The following TENT4B variants were observed in gnomAD, a reference collection of about 807,000 sequenced individuals.
TENT4B encodes PAP associated domain containing 5.
TENT4B carries 10 observed loss-of-function variants against 75.0 expected under a neutral mutation model. The observed-to-expected ratio is 0.13, with a 90% CI of 0.08 to 0.23. The LOEUF is 0.23. Ranked by LOEUF, TENT4B falls within the 10% of genes least tolerant of loss-of-function variation. The pLI, the probability that TENT4B is intolerant of heterozygous loss-of-function variation, is 1.00. For missense variants in TENT4B, 579 were observed against 893.8 expected, an observed-to-expected ratio of 0.65 and a Z score of 4.49; for synonymous variants, 350 against 357.7, an observed-to-expected ratio of 0.98 and a Z score of 0.24.
chr16:50,158,350 G>T (rs1412194046), intron 1 of TENT4B, among the ~76,000 whole-genome samples: 1 of 149,452 alleles, frequency 6.7e-6, no homozygotes, highest in Non-Finnish European at 1.5e-5. Flanking sequence ...GCTTCCCAAA[G>T]TGTCAGGATT....
intron 5 of TENT4B, among the ~76,000 whole-genome samples, chr16:50,220,819 G>A (rs979844148): frequency 3.3e-5 from 5 of 152,064 alleles, no homozygotes; most frequent in Non-Finnish European, 5.9e-5. Flanking sequence ...ATGAGCCACC[G>A]TGCCCAGCCC....
chr16:50,195,866 G>C (rs2030199832), intron 1 of TENT4B, among the ~76,000 whole-genome samples: 1 of 152,102 alleles, frequency 6.6e-6, no homozygotes, highest in Non-Finnish European at 1.5e-5. Flanking sequence ...CTGTATTCAG[G>C]AATAAAGATA....
chr16:50,158,534 T>C (rs1255378836), intron 1 of TENT4B, among the ~76,000 whole-genome samples: 2 of 152,188 alleles, frequency 1.3e-5, no homozygotes, highest in Non-Finnish European at 2.9e-5. Context: ...GACTTAATTG[T>C]TTATCACTAT....
At chr16:50,201,218 T>G (rs1238662605) in intron 1 of TENT4B, among the ~76,000 whole-genome samples, 2 of 152,218 alleles carry the variant, frequency 1.3e-5, no homozygotes, top group Non-Finnish European at 2.9e-5. Flanking sequence ...TGAATCAATT[T>G]GGTTTTGTTT....
Position 50,153,987 on chromosome 16 carries a change from C to A in TENT4B, c.366C>A (p.Ala122=). The A allele has an allele frequency of 6.5e-7, 1 of 1,534,128 alleles. No individual in the cohort carries two copies. The highest frequency in any genetic ancestry group is 1.4e-5 in the African/African-American group (1 of 73,018). The change falls in exon 1 of 12, where the codon GCC becomes GCA. Residue 122 remains alanine (A), a synonymous_variant. Transcript: ENST00000561678. Reference sequence around the variant, plus strand: ...ACCACCACCAGCCCGGGGCCTGGGCCCGCCGGGCGGGCTCCTCGGCGTCCT... The same window carrying A: ...ACCACCACCAGCCCGGGGCCTGGGCACGCCGGGCGGGCTCCTCGGCGTCCT... ...NNNHHQPGAW[A]RRAGSSASSP... is the part of the protein sequence containing the mutation.
intron 1 of TENT4B, among the ~76,000 whole-genome samples, chr16:50,178,220 CG>C (rs1210081355): frequency 6.9e-6 from 1 of 145,616 alleles, no homozygotes; most frequent in Non-Finnish European, 1.5e-5. Flanking sequence ...CTTTGGGAGG[CG>C]TAAGTGGGAG....
Position 50,221,079 on chromosome 16 carries a change from G to A in TENT4B, c.1039-1227G>A, listed in dbSNP as rs550030351. ...AGACAGGCAGATCATTTGAGCTTAG[G>A]AGTTCAAGACCAGCCCGGGCAATGT... On this transcript the variant is annotated intron_variant, in intron 5 of 11. Transcript: ENST00000561678. 7.7e-4 allele frequency among the ~76,000 whole-genome samples: 117 copies of A among 152,138 alleles called. 2 individuals are homozygous for A. The South Asian group carries it at 0.024, about 31-fold the overall frequency.
In TENT4B at chr16:50,231,195, A is replaced by G. The variant is rs902690455; in HGVS notation, c.*1867A>G. 11 of 985,022 alleles carry G rather than the reference A, an allele frequency of 1.1e-5. No individual in the cohort carries two copies. Among genetic ancestry groups the G allele is most frequent in the East Asian group, 1.1e-4 (1 of 8,828 alleles). The allele number at this position is 985,022 out of a possible 1,614,324, so 61.0% of individuals were successfully genotyped here. On this transcript the variant is annotated 3_prime_UTR_variant, in exon 12 of 12. Transcript: ENST00000561678. Reference sequence around the variant, plus strand: ...TTTCAAATGTGATGTTATTTTGACAATGTTTTAAATTTTAGAGTCACATTT... The same window carrying G: ...TTTCAAATGTGATGTTATTTTGACAGTGTTTTAAATTTTAGAGTCACATTT...
chr16:50,153,507 AGCG>A lies in TENT4B; in HGVS notation c.-112_-110del, dbSNP rs1278586416. On this transcript the variant is annotated 5_prime_UTR_variant, in exon 1 of 12. Transcript: ENST00000561678. ...GGCCCCGAGCAGCAGCAGCAGCAGC[AGCG>A]GCAGCAGCGGCAGCAGCAGCAGCAG... 0.018 allele frequency: 5,195 copies of A among 289,308 alleles called. 133 individuals are homozygous for A. Among genetic ancestry groups the A allele is most frequent in the African/African-American group, 0.076 (3,424 of 44,840 alleles). 17.9% of individuals were successfully genotyped at this position (289,308 alleles called of 1,614,324 possible). A position where few individuals can be genotyped will look rare whatever the true frequency, so the allele number is the denominator to read the frequency against.
At chr16:50,193,573 C>T (rs540635623) in intron 1 of TENT4B, among the ~76,000 whole-genome samples, 4 of 152,106 alleles carry the variant, frequency 2.6e-5, no homozygotes, top group East Asian at 3.9e-4. Context: ...CTCCTGACCT[C>T]GTGATCCACC....
At chr16:50,172,109 AG>A (rs1272289926) in intron 1 of TENT4B, among the ~76,000 whole-genome samples, 1 of 151,072 alleles carries the variant, frequency 6.6e-6, no homozygotes, top group African/African-American at 2.4e-5. Flanking sequence ...CAGAACTTTG[AG>A]AGGCCAAGGC....
At position 50,154,053 on chromosome 16, in the gene TENT4B, C is replaced by G. The variant is rs777012164; in HGVS notation, c.432C>G (p.Ala144=). 4 of 1,531,176 alleles carry G rather than the reference C, an allele frequency of 2.6e-6. No individual in the cohort carries two copies. Among genetic ancestry groups the G allele is most frequent in the Non-Finnish European group, 3.5e-6 (4 of 1,145,018 alleles). 94.8% of individuals were successfully genotyped at this position (1,531,176 alleles called of 1,614,324 possible). A position where few individuals can be genotyped will look rare whatever the true frequency, so the allele number is the denominator to read the frequency against. Reference sequence around the variant, plus strand: ...CCTCGTCCCCGCACCCTTCGGCCGCCGTCCCCGCCGCCGATCCAGCCGATT... The same window carrying G: ...CCTCGTCCCCGCACCCTTCGGCCGCGGTCCCCGCCGCCGATCCAGCCGATT... ...SASSSPHPSA[A]VPAADPADSA... Residue 144 remains alanine (A), a synonymous_variant, in exon 1 of 12, where the codon GCC becomes GCG. Transcript: ENST00000561678.
intron 1 of TENT4B, among the ~76,000 whole-genome samples, chr16:50,185,407 A>G (rs1482103167): frequency 2.0e-5 from 3 of 152,124 alleles, no homozygotes; most frequent in South Asian, 2.1e-4. Context: ...GGTGATTGGC[A>G]ACTCCAGTTG....
At chr16:50,154,503 C>A (rs2037850796) in intron 1 of TENT4B, among the ~76,000 whole-genome samples, 1 of 151,952 alleles carries the variant, frequency 6.6e-6, no homozygotes, top group East Asian at 1.9e-4. Flanking sequence ...CCTTCCTCCC[C>A]TCCCTCTTAA....
At chr16:50,204,846 T>C (rs2030858225) in intron 1 of TENT4B, among the ~76,000 whole-genome samples, 1 of 131,948 alleles carries the variant, frequency 7.6e-6, no homozygotes, top group African/African-American at 2.6e-5. Context: ...CCACACACAC[T>C]GCACTGGGCA....
Position 50,234,703 on chromosome 16 carries a change from A to G in TENT4B, c.*5375A>G. The G allele has an allele frequency of 1.0e-6, 1 of 985,466 alleles. No individual in the cohort carries two copies. The highest frequency in any genetic ancestry group is 1.1e-4 in the East Asian group (1 of 8,808). The allele number at this position is 985,466 out of a possible 1,614,324, so 61.0% of individuals were successfully genotyped here. A position where few individuals can be genotyped will look rare whatever the true frequency, so the allele number is the denominator to read the frequency against. ...CACAAGCTTGTTTGTTAGACGTGTCAAGAGTCTCCAGTCTTTACTACTAAA... is the reference window on the plus strand; with the variant it reads ...CACAAGCTTGTTTGTTAGACGTGTCGAGAGTCTCCAGTCTTTACTACTAAA... On this transcript the variant is annotated 3_prime_UTR_variant, in exon 12 of 12. Transcript: ENST00000561678.
rs1422000670 is a variant in TENT4B at position 50,224,720 on chromosome 16, A to T, written c.1445A>T (p.Tyr482Phe). 2 of 1,613,922 alleles carry T rather than the reference A, an allele frequency of 1.2e-6. No individual in the cohort carries two copies. The highest frequency in any genetic ancestry group is 2.7e-5 in the African/African-American group (2 of 74,954). ...MQVKQAFDYA[Y>F]VVLSHAVSPI... ...GTGAAGCAGGCCTTTGATTATGCCT[A>T]CGTTGTTTTGAGTCATGCTGTATCA... The change falls in exon 8 of 12, where the codon TAC becomes TTC. Residue 482 changes from tyrosine (Y) to phenylalanine (F), a missense_variant. Physicochemically the swap from Tyr to Phe is conservative, Grantham distance 22 (BLOSUM62 3). Coordinates refer to ENST00000561678, the MANE Select transcript of TENT4B (RefSeq NM_001365324.3).
chr16:50,170,518 G>A (rs7187316), intron 1 of TENT4B, among the ~76,000 whole-genome samples: 2,707 of 152,282 alleles, frequency 0.018, 98 homozygotes, highest in African/African-American at 0.062. Context: ...TAGCAGCAGC[G>A]TTAAAGAAAT....
intron 1 of TENT4B, 54 bp downstream of exon 1, chr16:50,154,313 G>A: frequency 7.2e-7 from 1 of 1,382,826 alleles, no homozygotes; most frequent in Non-Finnish European, 9.3e-7. Context: ...GCGCAGCCGG[G>A]CACACGCCCA....
Sources: allele counts gnomAD v4.1 joint callset (sites outside exome capture counted in the v4.1 genomes callset), GRCh38; gene constraint gnomAD v4.1.1; transcripts MANE v1.5; gene names NCBI Gene and HGNC (gene_info 2026-07-23, HGNC 2026-07-21).